Variants in TRABD2B observed in about 807,000 individuals in gnomAD.
TRABD2B encodes the protein metalloprotease TIKI2.
Under a neutral mutation model 40.1 loss-of-function variants are expected in TRABD2B, and 14 were observed. That is an observed-to-expected ratio of 0.35 (90% confidence interval 0.23 to 0.55). The LOEUF (loss-of-function observed/expected upper bound fraction) is 0.55. TRABD2B is among the 20% of genes least tolerant of loss of function. The pLI, the probability that TRABD2B is intolerant of heterozygous loss-of-function variation, is 0.90. For missense variants in TRABD2B, 541 were observed against 648.6 expected, an observed-to-expected ratio of 0.83 and a Z score of 1.80; for synonymous variants, 263 against 277.0, an observed-to-expected ratio of 0.95 and a Z score of 0.50.
At chr1:47,834,461 G>A (rs1476495209) in intron 2 of TRABD2B, among the ~76,000 whole-genome samples, 1 of 152,242 alleles carries the variant, frequency 6.6e-6, no homozygotes, top group East Asian at 1.9e-4. Context: ...ACCTGAGAAG[G>A]CTCTAAGCTC....
chr1:47,904,121 T>C (rs1205006695), intron 2 of TRABD2B, among the ~76,000 whole-genome samples: 1 of 152,190 alleles, frequency 6.6e-6, no homozygotes, highest in Non-Finnish European at 1.5e-5. Context: ...AACAGGGCAC[T>C]GATTGTGAGA....
At chr1:47,811,160 C>T (rs192900746) in intron 2 of TRABD2B, among the ~76,000 whole-genome samples, 61 of 152,208 alleles carry the variant, frequency 4.0e-4, no homozygotes, top group Non-Finnish European at 6.9e-4. Context: ...GGCAGAAGAA[C>T]GTGGGGGGAG....
At chr1:47,859,213 C>T (rs1643930902) in intron 2 of TRABD2B, among the ~76,000 whole-genome samples, 1 of 152,206 alleles carries the variant, frequency 6.6e-6, no homozygotes, top group African/African-American at 2.4e-5. Context: ...TTTCCCCCAT[C>T]CTTCCTTTCT....
At chr1:47,886,764 A>C (rs1644376558) in intron 2 of TRABD2B, among the ~76,000 whole-genome samples, 1 of 152,222 alleles carries the variant, frequency 6.6e-6, no homozygotes, top group Non-Finnish European at 1.5e-5. Flanking sequence ...AATTGGCCAG[A>C]AATGGTCTAG....
intron 4 of TRABD2B, among the ~76,000 whole-genome samples, chr1:47,793,954 T>A (rs1015527070): frequency 2.0e-5 from 3 of 152,246 alleles, no homozygotes; most frequent in African/African-American, 7.2e-5. Context: ...ATCACACTTA[T>A]ACTCAGTATC....
chr1:47,815,808 GATAGATAGATAGATAGAT>G (rs1645023149), intron 2 of TRABD2B, among the ~76,000 whole-genome samples: 1 of 38,876 alleles, frequency 2.6e-5, no homozygotes, highest in African/African-American at 5.9e-5. Flanking sequence ...GAGATAGATA[GATAGATAGATAGATAGAT>G]AGATAGATAG....
At chr1:47,846,317 T>C (rs985756633) in intron 2 of TRABD2B, among the ~76,000 whole-genome samples, 2 of 152,224 alleles carry the variant, frequency 1.3e-5, no homozygotes, top group African/African-American at 4.8e-5. Context: ...CATTGCCATT[T>C]CCACCTGCTC....
At chr1:47,980,808 C>T (rs571794957) in intron 2 of TRABD2B, among the ~76,000 whole-genome samples, 1 of 152,300 alleles carries the variant, frequency 6.6e-6, no homozygotes, top group Non-Finnish European at 1.5e-5. Context: ...CTCATTCTAT[C>T]TCCTAGAAAA....
chr1:47,910,658 C>T (rs897599572), intron 2 of TRABD2B, among the ~76,000 whole-genome samples: 2 of 152,168 alleles, frequency 1.3e-5, no homozygotes, highest in Non-Finnish European at 2.9e-5. Context: ...TTAGAAAAAG[C>T]ACAGACCTGT....
At chr1:47,783,968 C>T (rs1399403890) in intron 4 of TRABD2B, among the ~76,000 whole-genome samples, 20 of 152,194 alleles carry the variant, frequency 1.3e-4, no homozygotes, top group Admixed American at 9.2e-4. Context: ...GGTGTTGGGC[C>T]CCATGGTCTC....
intron 2 of TRABD2B, among the ~76,000 whole-genome samples, chr1:47,826,830 C>T (rs953837068): frequency 1.3e-5 from 2 of 152,244 alleles, no homozygotes; most frequent in African/African-American, 4.8e-5. Context: ...TCCTTGGCCT[C>T]CCAAAGGGTC....
chr1:47,939,586 A>G (rs1645158934), intron 2 of TRABD2B, among the ~76,000 whole-genome samples: 2 of 152,286 alleles, frequency 1.3e-5, no homozygotes, highest in South Asian at 4.1e-4. Context: ...GGACAGAAAA[A>G]TTACGGGAGC....
chr1:47,897,060 A>T (rs1226926183), intron 2 of TRABD2B, among the ~76,000 whole-genome samples: 1 of 152,212 alleles, frequency 6.6e-6, no homozygotes, highest in Non-Finnish European at 1.5e-5. Context: ...AACAAAAAAC[A>T]TAGCAAGTAA....
chr1:47,902,784 G>A lies in TRABD2B; in HGVS notation c.666+91250C>T, dbSNP rs968553063. ...ATTACAGGTATGAGCCACCCTGTTC[G>A]GCTTGATGATGGACATTCTTTAGTA... On this transcript the variant is annotated intron_variant, in intron 2 of 6. Coordinates refer to ENST00000606738, the MANE Select transcript of TRABD2B (RefSeq NM_001194986.2). 3.3e-5 allele frequency among the ~76,000 whole-genome samples: 5 copies of A among 152,074 alleles called. No individual in the cohort carries two copies. In the East Asian group the frequency reaches 9.7e-4, roughly 29 times the overall value.
intron 2 of TRABD2B, among the ~76,000 whole-genome samples, chr1:47,851,977 G>C (rs972201174): frequency 3.3e-5 from 5 of 152,222 alleles, no homozygotes; most frequent in African/African-American, 1.2e-4. Flanking sequence ...GTAGGCTCTT[G>C]ACAAATGTCT....
chr1:47,983,151 T>A (rs549857912), intron 2 of TRABD2B, among the ~76,000 whole-genome samples: 1 of 152,130 alleles, frequency 6.6e-6, no homozygotes, highest in Non-Finnish European at 1.5e-5. Flanking sequence ...TAGGCAGCCA[T>A]AAAAAAGAAT....
chr1:47,833,338 A>G (rs553752961), intron 2 of TRABD2B, among the ~76,000 whole-genome samples: 2 of 152,374 alleles, frequency 1.3e-5, no homozygotes, highest in East Asian at 3.9e-4. Flanking sequence ...ATAAAGTCTC[A>G]GGTCCTACCT....
chr1:47,982,997 G>A (rs1645862779), intron 2 of TRABD2B, among the ~76,000 whole-genome samples: 1 of 152,142 alleles, frequency 6.6e-6, no homozygotes, highest in Non-Finnish European at 1.5e-5. Context: ...ATACCCAGAG[G>A]ACTATAAATC....
intron 2 of TRABD2B, among the ~76,000 whole-genome samples, chr1:47,973,174 C>G (rs557709521): frequency 3.3e-5 from 5 of 152,302 alleles, no homozygotes; most frequent in Admixed American, 3.3e-4. Flanking sequence ...TTGCTATGGG[C>G]TGGACACTAG....
Sources: gnomAD v4.1 joint callset for allele counts (sites outside exome capture counted in the v4.1 genomes callset) on GRCh38, gnomAD v4.1.1 for gene constraint, MANE v1.5 for transcripts, NCBI Gene and HGNC (gene_info 2026-07-23, HGNC 2026-07-21) for gene names.